The following MAST1 variants were observed in gnomAD, a reference collection of about 807,000 sequenced individuals.
MAST1 encodes the protein microtubule associated serine/threonine kinase 1, also known as microtubule-associated serine/threonine-protein kinase 1.
Under a neutral mutation model 124.6 loss-of-function variants are expected in MAST1, and 40 were observed. The observed-to-expected ratio is 0.32, with a 90% confidence interval of 0.25 to 0.42. The LOEUF (loss-of-function observed/expected upper bound fraction) is 0.42, where lower values mean the gene tolerates loss of function less well. MAST1 is among the 10% of genes least tolerant of loss of function. MAST1 has a pLI of 1.00. For synonymous variants in MAST1, 938 were observed against 939.4 expected (o/e 1.00, Z 0.03); for missense variants, 1,558 against 2,181.9 (o/e 0.71, Z 5.70).
chr19:12,852,559 C>A (rs1969975719), intron 10 of MAST1, among the ~76,000 whole-genome samples, 164 bp downstream of exon 10: 2 of 152,096 alleles, frequency 1.3e-5, no homozygotes. Flanking sequence ...TCTTCCAGAG[C>A]CTGGCATGCT....
chr19:12,865,611 G>C lies in MAST1; in HGVS notation c.1805-106G>C. On this transcript the variant is annotated intron_variant, in intron 15 of 25. Transcript: ENST00000251472. The surrounding 1 kb of genome is among the most constrained non-coding windows in gnomAD (Gnocchi z 7.1). Reference sequence around the variant, plus strand: ...GCACTCAGGAGGTCAAGGCTGCAGTGAGCCATGATCGTGCCACTGCACTCC... The same window carrying C: ...GCACTCAGGAGGTCAAGGCTGCAGTCAGCCATGATCGTGCCACTGCACTCC... 4.8e-6 allele frequency: 7 copies of C among 1,445,604 alleles called. No homozygotes were observed. Among genetic ancestry groups the C allele is most frequent in the Non-Finnish European group, 6.6e-6 (7 of 1,055,094 alleles). The allele number at this position is 1,445,604 out of a possible 1,614,324, so 89.5% of individuals were successfully genotyped here.
rs1372181200 is a variant in MAST1, at chr19:12,870,760, G to A, written c.3004-64G>A. 11 of 1,518,774 alleles carry A rather than the reference G, an allele frequency of 7.2e-6. 1 individual carries two copies. The African/African-American group carries it at 1.1e-4, about 15-fold the overall frequency. The allele number at this position is 1,518,774 out of a possible 1,614,324, so 94.1% of individuals were successfully genotyped here. On this transcript the variant is annotated intron_variant, in intron 22 of 25. Coordinates refer to ENST00000251472, the MANE Select transcript of MAST1 (RefSeq NM_014975.3). ...GCAGAGCTAAGTGTCCTGCATATAA[G>A]TTTAGGAGCTTTCCTTGTTACCAAT... is the stretch of plus-strand genomic sequence containing the variant.
chr19:12,854,168 G>A (rs1969994952), intron 10 of MAST1, among the ~76,000 whole-genome samples: 4 of 144,786 alleles, frequency 2.8e-5, no homozygotes, highest in Non-Finnish European at 6.0e-5. Context: ...TTGTTGCCCA[G>A]GCTGGAGTGC....
In MAST1 at chr19:12,838,724, C is replaced by A; in HGVS notation, c.83+69C>A. The A allele has an allele frequency of 7.1e-7, 1 of 1,401,272 alleles. No homozygotes were observed. The highest frequency in any genetic ancestry group is 2.7e-5 in the East Asian group (1 of 37,722). The allele number at this position is 1,401,272 out of a possible 1,614,324, so 86.8% of individuals were successfully genotyped here. Reference sequence around the variant, plus strand: ...AAAGCCGCCGCTCCGGGTACTGCTGCAGGGCGGGGCCCGGGATGCTGCGCC... The same window carrying A: ...AAAGCCGCCGCTCCGGGTACTGCTGAAGGGCGGGGCCCGGGATGCTGCGCC... On this transcript the variant is annotated intron_variant, in intron 1 of 25. Coordinates refer to ENST00000251472, the MANE Select transcript of MAST1 (RefSeq NM_014975.3). This position sits in a 1 kb window ranked among gnomAD's most constrained non-coding sequence, Gnocchi z 4.3.
Position 12,843,467 on chromosome 19 carries a change from C to G in MAST1, c.249-62C>G. On this transcript the variant is annotated intron_variant, in intron 3 of 25. Coordinates refer to ENST00000251472, the MANE Select transcript of MAST1 (RefSeq NM_014975.3). The surrounding 1 kb of genome is among the most constrained non-coding windows in gnomAD (Gnocchi z 4.9). ...GCCCTGGCCAGTGGCTTCACCCACA[C>G]CCTGAGGAGTTGGGGGACCGCTGGG... 2 of 1,367,940 alleles carry G rather than the reference C, an allele frequency of 1.5e-6. No individual in the cohort carries two copies. Among genetic ancestry groups the G allele is most frequent in the South Asian group, 2.4e-5 (2 of 84,600 alleles). The allele number at this position is 1,367,940 out of a possible 1,614,324, so 84.7% of individuals were successfully genotyped here. A position where few individuals can be genotyped will look rare whatever the true frequency, so the allele number is the denominator to read the frequency against.
At chr19:12,848,127 C>A in intron 7 of MAST1, 70 bp downstream of exon 7, 2 of 1,364,230 alleles carry the variant, frequency 1.5e-6, no homozygotes, top group Non-Finnish European at 2.0e-6. Context: ...GCACCCCTTT[C>A]TTCACCCCAC....
rs566894767 is a variant in MAST1, at chr19:12,852,017, G to A, written c.858G>A (p.Ala286=). The A allele has an allele frequency of 8.7e-6, 14 of 1,614,048 alleles. No homozygotes were observed. The highest frequency in any genetic ancestry group is 3.3e-5 in the Admixed American group (2 of 60,022). The change falls in exon 8 of 26, where the codon GCG becomes GCA. Residue 286 remains alanine, a synonymous_variant. Transcript: ENST00000251472. ...TGCTTATTATCATCTCACGCCCTGC[G>A]AGGCTGCTGGAGTGCCTGGTGAGGG... ...KKLLIIISRP[A]RLLECLEFNP... is the part of the protein sequence containing the mutation.
intron 1 of MAST1, among the ~76,000 whole-genome samples, chr19:12,839,057 C>T (rs542871409): frequency 6.6e-6 from 1 of 150,390 alleles, no homozygotes; most frequent in Non-Finnish European, 1.5e-5. Flanking sequence ...TCAGTCACTG[C>T]GGCTGTGGGT....
At chr19:12,842,477 G>T (rs1330552347) in intron 3 of MAST1, among the ~76,000 whole-genome samples, 1 of 152,078 alleles carries the variant, frequency 6.6e-6, no homozygotes, top group Non-Finnish European at 1.5e-5. Flanking sequence ...ATTTTTAGTA[G>T]AGATGGGGTT....
chr19:12,857,998 A>C, intron 10 of MAST1, among the ~76,000 whole-genome samples: 1 of 113,172 alleles, frequency 8.8e-6, no homozygotes, highest in Non-Finnish European at 1.7e-5. Flanking sequence ...CAGAGTGAGA[A>C]CCTATCTCAA....
intron 1 of MAST1, 70 bp from the exon 2 acceptor site, chr19:12,840,376 C>A: frequency 1.0e-6 from 1 of 957,470 alleles, no homozygotes; most frequent in South Asian, 1.4e-5. Flanking sequence ...GACAGGAGGT[C>A]AGCTGGTGGG....
chr19:12,848,209 C>G, intron 7 of MAST1, 152 bp downstream of exon 7: 1 of 675,230 alleles, frequency 1.5e-6, no homozygotes, highest in South Asian at 1.8e-5. Context: ...GGAAGTGGTC[C>G]CTTCCCTAGG....
Position 12,874,205 on chromosome 19 carries a change from G to A in MAST1, c.4048G>A (p.Ala1350Thr), listed in dbSNP as rs774236703. Residue 1350 changes from alanine to threonine, a missense_variant, in exon 26 of 26, where the codon GCC (alanine) becomes ACC (threonine). This residue lies in a region of MAST1 where 263 missense variants were observed against 310.9 expected (regional missense o/e 0.85). Transcript: ENST00000251472. The surrounding 1 kb of genome is among the most constrained non-coding windows in gnomAD (Gnocchi z 6.6). ...CGCGGACCCGTTGCTGCCCGAGGGT[G>A]CCTCCAGGCCACCAGTGTCGAGCAA... ...LGADPLLPEG[A>T]SRPPVSSKEK... The A allele has an allele frequency of 1.9e-6, 3 of 1,544,150 alleles. No homozygotes were observed. The highest frequency in any genetic ancestry group is 1.9e-5 in the Admixed American group (1 of 51,306).
chr19:12,864,965 C>T lies in MAST1; in HGVS notation c.1505+18C>T. On this transcript the variant is annotated intron_variant, in intron 13 of 25. Transcript: ENST00000251472. Reference sequence around the variant, plus strand: ...CCTGACAAGTGAGCTTTGATCTTTCCCATCACTCCCTCTGTCCCTCGGGAG... The same window carrying T: ...CCTGACAAGTGAGCTTTGATCTTTCTCATCACTCCCTCTGTCCCTCGGGAG... 1 of 1,614,092 alleles carries T rather than the reference C, an allele frequency of 6.2e-7. No homozygotes were observed. The highest frequency in any genetic ancestry group is 8.5e-7 in the Non-Finnish European group (1 of 1,179,980).
intron 24 of MAST1, among the ~76,000 whole-genome samples, chr19:12,872,924 G>T (rs1048149891): frequency 8.6e-5 from 13 of 151,756 alleles, no homozygotes; most frequent in Non-Finnish European, 1.0e-4. Flanking sequence ...AAAAAAAAAT[G>T]GTTTTGTTTG....
chr19:12,866,939 G>A lies in MAST1; in HGVS notation c.2139+177G>A, dbSNP rs1568413809. Among the ~76,000 whole-genome samples the A allele has an allele frequency of 6.6e-6, 1 of 151,888 alleles. No homozygotes were observed. Among genetic ancestry groups the A allele is most frequent in the Non-Finnish European group, 1.5e-5 (1 of 67,972 alleles). On this transcript the variant is annotated intron_variant, in intron 18 of 25. Coordinates refer to ENST00000251472, the MANE Select transcript of MAST1 (RefSeq NM_014975.3). The surrounding 1 kb of genome is among the most constrained non-coding windows in gnomAD (Gnocchi z 5.2). The stretch of plus-strand genomic sequence containing the variant: ...AGGCAGGTTCGGGAGTCTATGGGAC[G>A]GGCCTTTGGCACTGAGTGGAATCTA...
chr19:12,860,576 C>G (rs1970068550), intron 12 of MAST1, among the ~76,000 whole-genome samples: 1 of 150,956 alleles, frequency 6.6e-6, no homozygotes, highest in African/African-American at 2.4e-5. Flanking sequence ...TCCCGAGTAG[C>G]TGGGATTACA....
chr19:12,850,952 C>CTT (rs201211037), intron 7 of MAST1, among the ~76,000 whole-genome samples: 1 of 137,572 alleles, frequency 7.3e-6, no homozygotes, highest in Non-Finnish European at 1.6e-5. Context: ...TTTTTCTTTT[C>CTT]TTTTTTTTTT....
At chr19:12,867,398 C>T in intron 18 of MAST1, 76 bp from the exon 19 acceptor site, 3 of 1,542,114 alleles carry the variant, frequency 1.9e-6, no homozygotes, top group East Asian at 2.3e-5. Context: ...TGCGGGGGAT[C>T]CACTGCCAGG....
Sources: gnomAD v4.1 joint callset for allele counts (sites outside exome capture counted in the v4.1 genomes callset) on GRCh38, gnomAD v4.1.1 for gene constraint, gnomAD v4.1.1 regional missense constraint, Gnocchi (gnomAD v3.1) non-coding constraint, MANE v1.5 for transcripts, NCBI Gene and HGNC (gene_info 2026-07-23, HGNC 2026-07-21) for gene names.